MFSD2B: variants seen among roughly 807,000 people sequenced by gnomAD.
MFSD2B encodes MFSD2 lysolipid transporter B, sphingolipid, also known as sphingosine-1-phosphate transporter MFSD2B.
A neutral mutation model predicts 58.4 loss-of-function variants in MFSD2B; 56 were observed. The observed-to-expected ratio is 0.96, with a 90% CI of 0.77 to 1.20. MFSD2B has a LOEUF of 1.20. Ranked by LOEUF, MFSD2B falls within the 50% of genes most tolerant of loss-of-function variation. The pLI, the probability that MFSD2B is intolerant of heterozygous loss-of-function variation, is 0.00. For synonymous variants in MFSD2B, 287 were observed against 294.4 expected (o/e 0.97, Z 0.26); for missense variants, 645 against 667.6 (o/e 0.97, Z 0.37).
At chr2:24,016,045 C>CT in intron 2 of MFSD2B, 111 bp from the exon 3 acceptor site, 4 of 1,357,242 alleles carry the variant, frequency 2.9e-6, no homozygotes, top group Non-Finnish European at 4.2e-6. Context: ...CACTGTGGCT[C>CT]TGCCCTCCGG....
chr2:24,013,523 A>C (rs1199145161), intron 2 of MFSD2B, 113 bp downstream of exon 2: 1 of 1,175,420 alleles, frequency 8.5e-7, no homozygotes. Flanking sequence ...TTCTGACACG[A>C]GCTCAACAAA....
rs1662728867 is a variant in MFSD2B at position 24,020,332 on chromosome 2, G to C, written c.682-1316G>C. ...TTGAAATCCATTATAAAATTATTAA[G>C]AATCTCAAGACAGCAACAGCAGAGC... On this transcript the variant is annotated intron_variant, in intron 6 of 13. Coordinates refer to ENST00000338315, the MANE Select transcript of MFSD2B (RefSeq NM_001346880.2). This position sits in a 1 kb window ranked among gnomAD's most constrained non-coding sequence, Gnocchi z 4.1. 6.6e-6 allele frequency among the ~76,000 whole-genome samples: 1 copy of C among 152,122 alleles called. No homozygotes were observed. Among genetic ancestry groups the C allele is most frequent in the Non-Finnish European group, 1.5e-5 (1 of 68,010 alleles).
chr2:24,023,870 C>T lies in MFSD2B; in HGVS notation c.1313+144C>T. On this transcript the variant is annotated intron_variant, in intron 12 of 13. Coordinates refer to ENST00000338315, the MANE Select transcript of MFSD2B (RefSeq NM_001346880.2). This position sits in a 1 kb window ranked among gnomAD's most constrained non-coding sequence, Gnocchi z 5.0. The stretch of plus-strand genomic sequence containing the variant: ...TTGGAGAGTGTGGGGAACCACTTCC[C>T]CAGGTTTCTCTGTGCATGAGACTGA... 1 of 1,120,110 alleles carries T rather than the reference C, an allele frequency of 8.9e-7. No homozygotes were observed. Among genetic ancestry groups the T allele is most frequent in the Non-Finnish European group, 1.3e-6 (1 of 780,282 alleles). The allele number at this position is 1,120,110 out of a possible 1,614,324, so 69.4% of individuals were successfully genotyped here.
At position 24,021,593 on chromosome 2, in the gene MFSD2B, C is replaced by A; in HGVS notation, c.682-55C>A. ...CAGTACTGCCCTGCCCCTCCGGTGT[C>A]ACCACCTCCAGGGGTTGAAGACATC... On this transcript the variant is annotated intron_variant, in intron 6 of 13. Coordinates refer to ENST00000338315, the MANE Select transcript of MFSD2B (RefSeq NM_001346880.2). The surrounding 1 kb of genome is among the most constrained non-coding windows in gnomAD (Gnocchi z 5.7). 6.6e-7 allele frequency: 1 copy of A among 1,518,384 alleles called. No individual in the cohort carries two copies. The highest frequency in any genetic ancestry group is 1.2e-5 in the South Asian group (1 of 84,626). The allele number at this position is 1,518,384 out of a possible 1,614,324, so 94.1% of individuals were successfully genotyped here.
rs1490227537 is a variant in MFSD2B at position 24,021,843 on chromosome 2, T to C, written c.773-6T>C. ...GAAGCCAAGGTGACACGCTTCTGCGTTGCAGACCCCTCTGCCCCAGCCTCA... is the reference window on the plus strand; with the variant it reads ...GAAGCCAAGGTGACACGCTTCTGCGCTGCAGACCCCTCTGCCCCAGCCTCA... On this transcript the variant is annotated splice_region_variant and splice_polypyrimidine_tract_variant and intron_variant, in intron 7 of 13. Coordinates refer to ENST00000338315, the MANE Select transcript of MFSD2B (RefSeq NM_001346880.2). The surrounding 1 kb of genome is among the most constrained non-coding windows in gnomAD (Gnocchi z 5.7). The C allele has an allele frequency of 1.2e-6, 2 of 1,613,770 alleles. No individual in the cohort carries two copies. The highest frequency in any genetic ancestry group is 2.7e-5 in the African/African-American group (2 of 74,926).
rs780795409 is a variant in MFSD2B at position 24,023,277 on chromosome 2, G to T, written c.1169+38G>T. 2.7e-6 allele frequency: 4 copies of T among 1,506,566 alleles called. No individual in the cohort carries two copies. The highest frequency in any genetic ancestry group is 3.7e-6 in the Non-Finnish European group (4 of 1,083,992). The allele number at this position is 1,506,566 out of a possible 1,614,324, so 93.3% of individuals were successfully genotyped here. A position where few individuals can be genotyped will look rare whatever the true frequency, so the allele number is the denominator to read the frequency against. ...TGGGGGCCTCACGTGTGTCCACAGTGGGTGTCACCTCCTTCATGTAAACCT... is the reference window on the plus strand; with the variant it reads ...TGGGGGCCTCACGTGTGTCCACAGTTGGTGTCACCTCCTTCATGTAAACCT... On this transcript the variant is annotated intron_variant, in intron 11 of 13. Coordinates refer to ENST00000338315, the MANE Select transcript of MFSD2B (RefSeq NM_001346880.2). This position sits in a 1 kb window ranked among gnomAD's most constrained non-coding sequence, Gnocchi z 5.0.
At chr2:24,010,668 A>C (rs1490557236) in intron 1 of MFSD2B, among the ~76,000 whole-genome samples, 2 of 152,170 alleles carry the variant, frequency 1.3e-5, no homozygotes, top group East Asian at 3.9e-4. Context: ...GGCTCCGACA[A>C]GAAGGGAGGA....
rs115776278 is a variant in MFSD2B at position 24,023,087 on chromosome 2, G to A, written c.1060-43G>A. On this transcript the variant is annotated intron_variant, in intron 10 of 13. Coordinates refer to ENST00000338315, the MANE Select transcript of MFSD2B (RefSeq NM_001346880.2). The surrounding 1 kb of genome is among the most constrained non-coding windows in gnomAD (Gnocchi z 5.0). Reference sequence around the variant, plus strand: ...TCGTGTGTGAAGGAGCAGGCCCCACGAAGAAGCAGGTGGCGGGACAGCTGG... The same window carrying A: ...TCGTGTGTGAAGGAGCAGGCCCCACAAAGAAGCAGGTGGCGGGACAGCTGG... The A allele has an allele frequency of 3.8e-5, 58 of 1,538,192 alleles. No individual in the cohort carries two copies. Among genetic ancestry groups the A allele is most frequent in the Middle Eastern group, 3.4e-4 (2 of 5,964 alleles).
At position 24,017,660 on chromosome 2, in the gene MFSD2B, T is replaced by C. The variant is rs1709210615; in HGVS notation, c.681+72T>C. On this transcript the variant is annotated intron_variant, in intron 6 of 13. Coordinates refer to ENST00000338315, the MANE Select transcript of MFSD2B (RefSeq NM_001346880.2). This position sits in a 1 kb window ranked among gnomAD's most constrained non-coding sequence, Gnocchi z 4.8. Reference sequence around the variant, plus strand: ...CAGGGTCACCTCCTTCCTCTAGGGCTGGTTCTCCCGTCCACACCACTTTGT... The same window carrying C: ...CAGGGTCACCTCCTTCCTCTAGGGCCGGTTCTCCCGTCCACACCACTTTGT... The C allele has an allele frequency of 2.1e-5, 31 of 1,457,328 alleles. No homozygotes were observed. In the South Asian group the frequency reaches 4.0e-4, roughly 19 times the overall value. The allele number at this position is 1,457,328 out of a possible 1,614,324, so 90.3% of individuals were successfully genotyped here.
chr2:24,025,722 C>T lies in MFSD2B; in HGVS notation c.*266C>T. 2 of 446,594 alleles carry T rather than the reference C, an allele frequency of 4.5e-6. No individual in the cohort carries two copies. Among genetic ancestry groups the T allele is most frequent in the Non-Finnish European group, 8.0e-6 (2 of 249,062 alleles). 27.7% of individuals were successfully genotyped at this position (446,594 alleles called of 1,614,324 possible). On this transcript the variant is annotated 3_prime_UTR_variant, in exon 14 of 14. Coordinates refer to ENST00000338315, the MANE Select transcript of MFSD2B (RefSeq NM_001346880.2). Reference sequence around the variant, plus strand: ...AGCACTTGTCTCTAGAAAAAGGAAGCTCCTGCCCAACCTGGCTTGTGGACC... The same window carrying T: ...AGCACTTGTCTCTAGAAAAAGGAAGTTCCTGCCCAACCTGGCTTGTGGACC...
Position 24,010,159 on chromosome 2 carries a change from G to T in MFSD2B, c.63G>T (p.Glu21Asp). 2 of 1,452,520 alleles carry T rather than the reference G, an allele frequency of 1.4e-6. No individual in the cohort carries two copies. The highest frequency in any genetic ancestry group is 1.4e-5 in the South Asian group (1 of 73,566). 90.0% of individuals were successfully genotyped at this position (1,452,520 alleles called of 1,614,324 possible). A position where few individuals can be genotyped will look rare whatever the true frequency, so the allele number is the denominator to read the frequency against. Residue 21 changes from glutamate (E) to aspartate (D), a missense_variant, in exon 1 of 14, where the codon GAG (glutamate) becomes GAT (aspartate). Physicochemically the swap from Glu to Asp is conservative, Grantham distance 45 (BLOSUM62 2). Transcript: ENST00000338315. ...CGCAGCCGGAGCCGCACGCCCCAGA[G>T]CCCGGCCCGGGGAGCGCCAAGCGAG... ...GSPQPEPHAP[E>D]PGPGSAKRGR...
Position 24,024,017 on chromosome 2 carries a change from G to A in MFSD2B, c.1314-78G>A. Reference sequence around the variant, plus strand: ...CACGTTTCAGGAGGGGGTGGGGTGGGGTGAGGTGTCGAGTCCCTCCACCCA... The same window carrying A: ...CACGTTTCAGGAGGGGGTGGGGTGGAGTGAGGTGTCGAGTCCCTCCACCCA... On this transcript the variant is annotated intron_variant, in intron 12 of 13. Coordinates refer to ENST00000338315, the MANE Select transcript of MFSD2B (RefSeq NM_001346880.2). This position sits in a 1 kb window ranked among gnomAD's most constrained non-coding sequence, Gnocchi z 4.3. 1.4e-6 allele frequency: 2 copies of A among 1,423,316 alleles called. No individual in the cohort carries two copies. The highest frequency in any genetic ancestry group is 1.4e-5 in the African/African-American group (1 of 70,954). 88.2% of individuals were successfully genotyped at this position (1,423,316 alleles called of 1,614,324 possible).
chr2:24,024,368 A>G lies in MFSD2B; in HGVS notation c.1490+97A>G. ...TGCAGACATCCCTGCTGTGTCACAC[A>G]GTCCTGCCTCTGGGACCTCTTTCCT... On this transcript the variant is annotated intron_variant, in intron 13 of 13. Transcript: ENST00000338315. This position sits in a 1 kb window ranked among gnomAD's most constrained non-coding sequence, Gnocchi z 4.3. 7.8e-7 allele frequency: 1 copy of G among 1,285,316 alleles called. No homozygotes were observed. The highest frequency in any genetic ancestry group is 2.5e-5 in the East Asian group (1 of 39,450). 79.6% of individuals were successfully genotyped at this position (1,285,316 alleles called of 1,614,324 possible). A position where few individuals can be genotyped will look rare whatever the true frequency, so the allele number is the denominator to read the frequency against.
At chr2:24,014,989 C>A (rs1280446444) in intron 2 of MFSD2B, among the ~76,000 whole-genome samples, 1 of 152,040 alleles carries the variant, frequency 6.6e-6, no homozygotes, top group African/African-American at 2.4e-5. Flanking sequence ...CGTGGTGGCA[C>A]ACGCCTGTAG....
rs1372705934 is a variant in MFSD2B at position 24,016,286 on chromosome 2, C to A, written c.347+6C>A. 6.2e-7 allele frequency: 1 copy of A among 1,613,040 alleles called. No individual in the cohort carries two copies. Among genetic ancestry groups the A allele is most frequent in the South Asian group, 1.1e-5 (1 of 90,844 alleles). On this transcript the variant is annotated splice_donor_region_variant and intron_variant, in intron 3 of 13. Coordinates refer to ENST00000338315, the MANE Select transcript of MFSD2B (RefSeq NM_001346880.2). ...TCTGGACGGCTCATGCCTTGGTGAG[C>A]AACCGCTCAGTCCTTAGGATCCAGG... is the stretch of plus-strand genomic sequence containing the variant.
chr2:24,022,285 A>C lies in MFSD2B; in HGVS notation c.895-148A>C, dbSNP rs1662819757. On this transcript the variant is annotated intron_variant, in intron 8 of 13. Transcript: ENST00000338315. This position sits in a 1 kb window ranked among gnomAD's most constrained non-coding sequence, Gnocchi z 4.5. ...GGTGTTTGTATCTGTGTTGGGGATA[A>C]GTGTCCTTTGTGGGGGAAGGGACTG... The C allele has an allele frequency of 5.5e-6, 4 of 724,676 alleles. No homozygotes were observed. Among genetic ancestry groups the C allele is most frequent in the Admixed American group, 2.3e-5 (1 of 43,588 alleles). 44.9% of individuals were successfully genotyped at this position (724,676 alleles called of 1,614,324 possible).
Position 24,023,822 on chromosome 2 carries a change from GC to G in MFSD2B, c.1313+98del. On this transcript the variant is annotated intron_variant, in intron 12 of 13. Transcript: ENST00000338315. The surrounding 1 kb of genome is among the most constrained non-coding windows in gnomAD (Gnocchi z 5.0). Reference sequence around the variant, plus strand: ...CCTACCAAGCTCAGGGCATCCATGAGCCTGGGGCCTAAGCGCTACTCTTTGG... The same window carrying G: ...CCTACCAAGCTCAGGGCATCCATGAGCTGGGGCCTAAGCGCTACTCTTTGG... 1 of 1,429,180 alleles carries G rather than the reference GC, an allele frequency of 7.0e-7. No homozygotes were observed. Among genetic ancestry groups the G allele is most frequent in the Non-Finnish European group, 9.6e-7 (1 of 1,037,324 alleles). 88.5% of individuals were successfully genotyped at this position (1,429,180 alleles called of 1,614,324 possible). A position where few individuals can be genotyped will look rare whatever the true frequency, so the allele number is the denominator to read the frequency against.
At position 24,013,296 on chromosome 2, in the gene MFSD2B, C is replaced by T. The variant is rs370635563; in HGVS notation, c.108C>T (p.Ala36=). Residue 36 remains alanine, a synonymous_variant, in exon 2 of 14, where the codon GCC becomes GCT. Transcript: ENST00000338315. The part of the protein sequence containing the change: ...SAKRGREDSR[A]GRLSFCTKVC... ...TGTGTCTCCTCCAGGACAGCAGAGC[C>T]GGTCGCCTCTCATTCTGTACAAAGG... The T allele has an allele frequency of 2.0e-5, 32 of 1,602,790 alleles. No homozygotes were observed. Among genetic ancestry groups the T allele is most frequent in the Middle Eastern group, 1.8e-4 (1 of 5,518 alleles).
intron 13 of MFSD2B, among the ~76,000 whole-genome samples, 193 bp from the exon 14 acceptor site, chr2:24,025,239 G>A (rs1032281421): frequency 1.3e-5 from 2 of 152,194 alleles, no homozygotes; most frequent in African/African-American, 4.8e-5. Context: ...AAGGCCAGGC[G>A]GATGGGGAAC....
Sources: gnomAD v4.1 joint callset for allele counts (sites outside exome capture counted in the v4.1 genomes callset) on GRCh38, gnomAD v4.1.1 for gene constraint, Gnocchi (gnomAD v3.1) non-coding constraint, MANE v1.5 for transcripts, NCBI Gene and HGNC (gene_info 2026-07-23, HGNC 2026-07-21) for gene names.